SETX: variants seen among roughly 807,000 people sequenced by gnomAD.
The protein encoded by SETX is helicase senataxin.
A neutral mutation model predicts 227.2 loss-of-function variants in SETX; 90 were observed. The observed-to-expected ratio is 0.40, with a 90% CI of 0.33 to 0.47. The LOEUF is 0.47. Ranked by LOEUF, SETX falls within the 20% of genes least tolerant of loss-of-function variation. The probability of loss-of-function intolerance (pLI) is 0.91; values close to 1 mark genes in which losing one functional copy is unlikely to be tolerated. For missense variants in SETX, 3,052 were observed against 3,181.5 expected, an observed-to-expected ratio of 0.96 and a Z score of 0.98; for synonymous variants, 1,210 against 1,113.2, an observed-to-expected ratio of 1.09 and a Z score of -1.73.
At chr9:132,277,545 A>T (rs1431361018) in intron 21 of SETX, among the ~76,000 whole-genome samples, 1 of 152,150 alleles carries the variant, frequency 6.6e-6, no homozygotes, top group Admixed American at 6.5e-5. Flanking sequence ...TTGGGAGACC[A>T]AGGCGGGTGG....
intron 7 of SETX, 100 bp from the exon 8 acceptor site, chr9:132,331,548 C>T: frequency 7.7e-7 from 1 of 1,306,244 alleles, no homozygotes. Flanking sequence ...TGAGTAGCAA[C>T]CCAACTAAAA....
In SETX at chr9:132,317,640, T is replaced by C. The variant is rs559357287; in HGVS notation, c.5275-5784A>G. Among the ~76,000 whole-genome samples the C allele has an allele frequency of 3.3e-5, 5 of 152,272 alleles. No homozygotes were observed. The South Asian group carries it at 1.0e-3, about 32-fold the overall frequency. On this transcript the variant is annotated intron_variant, in intron 10 of 25. Transcript: ENST00000224140. ...TTTGCCGTATCATTTTCCTTTTTTT[T>C]TTTAAAGGGACAGGGTCTCACTTTG...
Position 132,261,648 on chromosome 9 carries a change from AAT to A in SETX, c.*2589_*2590del. On this transcript the variant is annotated 3_prime_UTR_variant, in exon 26 of 26. Coordinates refer to ENST00000224140, the MANE Select transcript of SETX (RefSeq NM_015046.7). ...ATTGCTAATCTGCACAACTTTAAAAAATAGTTCAGTACATTTTTGTTATAAAA... is the reference window on the plus strand; with the variant it reads ...ATTGCTAATCTGCACAACTTTAAAAAAGTTCAGTACATTTTTGTTATAAAA... 1 of 153,020 alleles carries A rather than the reference AAT, an allele frequency of 6.5e-6. No individual in the cohort carries two copies. Among genetic ancestry groups the A allele is most frequent in the Middle Eastern group, 3.2e-3 (1 of 310 alleles). 9.5% of individuals were successfully genotyped at this position (153,020 alleles called of 1,614,324 possible).
At chr9:132,296,311 G>A (rs1482476949) in intron 14 of SETX, among the ~76,000 whole-genome samples, 6 of 152,154 alleles carry the variant, frequency 3.9e-5, no homozygotes, top group Admixed American at 1.3e-4. Flanking sequence ...CCAGCACTTC[G>A]GGAGGCCGAG....
chr9:132,283,884 T>C (rs1457480197), intron 18 of SETX, among the ~76,000 whole-genome samples: 4 of 152,230 alleles, frequency 2.6e-5, no homozygotes, highest in Admixed American at 2.0e-4. Flanking sequence ...AAAATGCCTG[T>C]GAACCTGACA....
intron 10 of SETX, among the ~76,000 whole-genome samples, chr9:132,315,249 C>G (rs1362840434): frequency 1.1e-4 from 16 of 152,134 alleles, no homozygotes; most frequent in Non-Finnish European, 2.1e-4. Context: ...ACAGCTGTTT[C>G]ACTGGGGAAA....
In SETX at chr9:132,307,115, T is replaced by C. The variant is rs554644673; in HGVS notation, c.5374+4642A>G. ...ACTAAAAATACAAAAATTAGCTGGG[T>C]GTGGTGGTGAGCACCTGTAATCCCA... On this transcript the variant is annotated intron_variant, in intron 11 of 25. Coordinates refer to ENST00000224140, the MANE Select transcript of SETX (RefSeq NM_015046.7). Among the ~76,000 whole-genome samples, 526 of 152,116 alleles carry C rather than the reference T, an allele frequency of 3.5e-3. 7 individuals carry two copies. Among genetic ancestry groups the C allele is most frequent in the Non-Finnish European group, 5.8e-3 (397 of 68,000 alleles).
chr9:132,355,815 C>T (rs1184206025), upstream of SETX, among the ~76,000 whole-genome samples: 1 of 151,970 alleles, frequency 6.6e-6, no homozygotes, highest in Non-Finnish European at 1.5e-5. Context: ...GGTGAAACTC[C>T]GTCTCTACTA....
intron 5 of SETX, among the ~76,000 whole-genome samples, chr9:132,342,044 T>C (rs772348789): frequency 6.6e-6 from 1 of 152,164 alleles, no homozygotes; most frequent in Non-Finnish European, 1.5e-5. Flanking sequence ...ATGCTTTTTT[T>C]AAAAAACGTA....
chr9:132,350,504 G>C (rs1848546109), intron 2 of SETX, among the ~76,000 whole-genome samples: 1 of 152,056 alleles, frequency 6.6e-6, no homozygotes, highest in Non-Finnish European at 1.5e-5. Flanking sequence ...CAGAAACTAG[G>C]CTTGGCTGCT....
In SETX at chr9:132,296,883, C is replaced by T; in HGVS notation, c.5949+4G>A. 6.2e-7 allele frequency: 1 copy of T among 1,613,994 alleles called. No individual in the cohort carries two copies. Among genetic ancestry groups the T allele is most frequent in the Non-Finnish European group, 8.5e-7 (1 of 1,179,956 alleles). ...ACAGCATCAGTGCCCTCACCCATACCTACCTCTGTCAGTAGACGATAGAGG... is the reference window on the plus strand; with the variant it reads ...ACAGCATCAGTGCCCTCACCCATACTTACCTCTGTCAGTAGACGATAGAGG... On this transcript the variant is annotated splice_donor_region_variant and intron_variant, in intron 14 of 25. Transcript: ENST00000224140.
chr9:132,297,597 G>C (rs1441679540), intron 13 of SETX, among the ~76,000 whole-genome samples: 2 of 152,186 alleles, frequency 1.3e-5, no homozygotes. Flanking sequence ...TAAGAGGTGA[G>C]AACAGACTGA....
At chr9:132,303,813 G>A (rs945538938) in intron 11 of SETX, among the ~76,000 whole-genome samples, 8 of 152,046 alleles carry the variant, frequency 5.3e-5, no homozygotes, top group African/African-American at 9.7e-5. Flanking sequence ...CTACACACCC[G>A]TCTGAATCAC....
intron 20 of SETX, among the ~76,000 whole-genome samples, chr9:132,280,634 A>C (rs1270472998): frequency 6.6e-6 from 1 of 152,264 alleles, no homozygotes; most frequent in African/African-American, 2.4e-5. Flanking sequence ...CATTCATTCC[A>C]AGCTTCAACA....
intron 11 of SETX, among the ~76,000 whole-genome samples, chr9:132,310,641 C>T (rs1481822374): frequency 6.6e-6 from 1 of 152,184 alleles, no homozygotes; most frequent in African/African-American, 2.4e-5. Context: ...TGATAAGTTC[C>T]TGCCAAACAT....
At chr9:132,340,669 G>T (rs555351200) in intron 5 of SETX, among the ~76,000 whole-genome samples, 1 of 152,342 alleles carries the variant, frequency 6.6e-6, no homozygotes, top group South Asian at 2.1e-4. Context: ...GTTAAGAGGG[G>T]ATGATAATGA....
rs372562889 is a variant in SETX, at chr9:132,325,095, G to A, written c.5274+1229C>T. On this transcript the variant is annotated intron_variant, in intron 10 of 25. Coordinates refer to ENST00000224140, the MANE Select transcript of SETX (RefSeq NM_015046.7). Reference sequence around the variant, plus strand: ...CTGGCGGCCAGACGCAGTGGCTCACGCCTGTAATCCCAGCACTTTGGGAGG... The same window carrying A: ...CTGGCGGCCAGACGCAGTGGCTCACACCTGTAATCCCAGCACTTTGGGAGG... Among the ~76,000 whole-genome samples, 24 of 152,310 alleles carry A rather than the reference G, an allele frequency of 1.6e-4. No individual in the cohort carries two copies. The South Asian group carries it at 2.3e-3, about 14-fold the overall frequency.
chr9:132,296,179 C>G (rs558842430), intron 14 of SETX, 151 bp from the exon 15 acceptor site: 1 of 990,912 alleles, frequency 1.0e-6, no homozygotes, highest in Admixed American at 2.4e-5. Flanking sequence ...ACATCTAACA[C>G]TGATATTTAA....
intron 19 of SETX, chr9:132,282,945 C>A (rs959922798): frequency 2.7e-6 from 1 of 374,342 alleles, no homozygotes; most frequent in Non-Finnish European, 5.1e-6. Flanking sequence ...TGGCTCAAAG[C>A]TATCCAAAAT....
Sources: gnomAD v4.1 joint callset for allele counts (sites outside exome capture counted in the v4.1 genomes callset) on GRCh38, gnomAD v4.1.1 for gene constraint, MANE v1.5 for transcripts, NCBI Gene and HGNC (gene_info 2026-07-23, HGNC 2026-07-21) for gene names.